The following ST6GAL2 variants were observed in gnomAD, a reference collection of about 807,000 sequenced individuals.
The protein encoded by ST6GAL2 is beta-galactoside alpha-2,6-sialyltransferase 2.
ST6GAL2 carries 24 observed loss-of-function variants against 37.5 expected under a neutral mutation model. The observed-to-expected ratio is 0.64, with a 90% CI of 0.46 to 0.90. The LOEUF (loss-of-function observed/expected upper bound fraction) is 0.90, where lower values mean the gene tolerates loss of function less well. Among genes scored for constraint, ST6GAL2 ranks in the 40% least tolerant of loss-of-function variants. The pLI is 0.00. For missense variants in ST6GAL2, 715 were observed against 712.7 expected, an observed-to-expected ratio of 1.00 and a Z score of -0.04; for synonymous variants, 306 against 295.1, an observed-to-expected ratio of 1.04 and a Z score of -0.38.
Position 106,806,412 on chromosome 2 carries a change from ACC to A in ST6GAL2, c.*264_*265del. 1 of 424,520 alleles carries A rather than the reference ACC, an allele frequency of 2.4e-6. No individual in the cohort carries two copies. Among genetic ancestry groups the A allele is most frequent in the Non-Finnish European group, 4.2e-6 (1 of 236,556 alleles). 26.3% of individuals were successfully genotyped at this position (424,520 alleles called of 1,614,324 possible). On this transcript the variant is annotated 3_prime_UTR_variant, in exon 6 of 6. Coordinates refer to ENST00000409382, the MANE Select transcript of ST6GAL2 (RefSeq NM_001142351.2). ...TTGTTAACATTTCTGGAGGTATCATACCCATGGTCATACATGTGTTTTCTTTC... is the reference window on the plus strand; with the variant it reads ...TTGTTAACATTTCTGGAGGTATCATACATGGTCATACATGTGTTTTCTTTC...
rs1482586022 is a variant in ST6GAL2, at chr2:106,803,723, A to G, written c.*2955T>C. On this transcript the variant is annotated 3_prime_UTR_variant, in exon 6 of 6. Transcript: ENST00000409382. Reference sequence around the variant, plus strand: ...CCTGAGAGTGAAAAAAGGAATCCTTAACAGCTTCAGCTTGCACCAAGAGGA... The same window carrying G: ...CCTGAGAGTGAAAAAAGGAATCCTTGACAGCTTCAGCTTGCACCAAGAGGA... 1 of 152,188 alleles carries G rather than the reference A, an allele frequency of 6.6e-6. No homozygotes were observed. Among genetic ancestry groups the G allele is most frequent in the Non-Finnish European group, 1.5e-5 (1 of 68,048 alleles). The allele number at this position is 152,188 out of a possible 1,614,324, so 9.4% of individuals were successfully genotyped here. A position where few individuals can be genotyped will look rare whatever the true frequency, so the allele number is the denominator to read the frequency against.
chr2:106,877,245 T>C (rs759343981), intron 1 of ST6GAL2, among the ~76,000 whole-genome samples: 3 of 152,208 alleles, frequency 2.0e-5, no homozygotes, highest in Non-Finnish European at 4.4e-5. Context: ...AGACCTTCGA[T>C]CCCAGAAGGT....
In ST6GAL2 at chr2:106,843,207, G is replaced by C. The variant is rs898721265; in HGVS notation, c.771C>G (p.Ser257Arg). The C allele has an allele frequency of 3.2e-6, 5 of 1,555,428 alleles. No individual in the cohort carries two copies. The highest frequency in any genetic ancestry group is 4.3e-6 in the Non-Finnish European group (5 of 1,150,296). ...CGTCCAGCGTCCGCACGCGCGCGCG[G>C]CTCCGCAGCTGGCACAGCAGCTGTG... Reference protein sequence around the residue: ...SRAQLLCQLRSRARVRTLDGT... With the variant: ...SRAQLLCQLRRRARVRTLDGT... Residue 257 changes from serine to arginine, a missense_variant, in exon 2 of 6, where the codon AGC becomes AGG. Transcript: ENST00000409382.
At chr2:106,885,501 A>T (rs779326894) in intron 1 of ST6GAL2, among the ~76,000 whole-genome samples, 5 of 152,160 alleles carry the variant, frequency 3.3e-5, no homozygotes, top group Non-Finnish European at 7.4e-5. Context: ...GCTCTTTGGA[A>T]GGCAGCACTT....
chr2:106,830,602 T>C (rs766842422), intron 4 of ST6GAL2, among the ~76,000 whole-genome samples: 1 of 152,198 alleles, frequency 6.6e-6, no homozygotes. Context: ...GAAGCAGTCA[T>C]GGACAATAAA....
chr2:106,835,809 T>G (rs1676612175), intron 2 of ST6GAL2, among the ~76,000 whole-genome samples: 1 of 152,260 alleles, frequency 6.6e-6, no homozygotes, highest in African/African-American at 2.4e-5. Context: ...ATCTATTCTT[T>G]GTGTAAATGA....
At chr2:106,879,069 C>T (rs1235364496) in intron 1 of ST6GAL2, among the ~76,000 whole-genome samples, 1 of 152,156 alleles carries the variant, frequency 6.6e-6, no homozygotes, top group East Asian at 1.9e-4. Context: ...TCCATTACCC[C>T]TTAAGAGGCA....
In ST6GAL2 at chr2:106,822,378, A is replaced by C. The variant is rs541011392; in HGVS notation, c.1318+7688T>G. Among the ~76,000 whole-genome samples the C allele has an allele frequency of 3.3e-5, 5 of 152,316 alleles. No homozygotes were observed. In the South Asian group the frequency reaches 1.0e-3, roughly 32 times the overall value. ...ATGCCAACAATGAACAATCTGAAAA[A>C]GAAATCAAGAAGGTAATCCCATTTA... is the stretch of plus-strand genomic sequence containing the variant. On this transcript the variant is annotated intron_variant, in intron 5 of 5. Transcript: ENST00000409382.
intron 2 of ST6GAL2, among the ~76,000 whole-genome samples, chr2:106,838,425 T>C (rs1469115312): frequency 1.3e-5 from 2 of 152,126 alleles, no homozygotes; most frequent in Admixed American, 1.3e-4. Flanking sequence ...CTGCCTGGGA[T>C]TGGACAAAGC....
chr2:106,809,305 C>T (rs1215601666), intron 5 of ST6GAL2, among the ~76,000 whole-genome samples: 3 of 152,214 alleles, frequency 2.0e-5, no homozygotes, highest in Non-Finnish European at 2.9e-5. Context: ...TTTGCTTGCA[C>T]ATGGCAGGGG....
intron 1 of ST6GAL2, among the ~76,000 whole-genome samples, chr2:106,878,028 A>G (rs1426504928): frequency 6.6e-6 from 1 of 152,258 alleles, no homozygotes; most frequent in Non-Finnish European, 1.5e-5. Flanking sequence ...GGATGCACAC[A>G]GTAATTCCCA....
chr2:106,850,003 C>T (rs1677292999), intron 1 of ST6GAL2, among the ~76,000 whole-genome samples: 1 of 152,176 alleles, frequency 6.6e-6, no homozygotes, highest in South Asian at 2.1e-4. Context: ...CTCGGGCACA[C>T]GTTCTCAGGA....
chr2:106,845,060 T>C (rs1052545401), intron 1 of ST6GAL2, among the ~76,000 whole-genome samples: 1 of 152,208 alleles, frequency 6.6e-6, no homozygotes, highest in African/African-American at 2.4e-5. Context: ...AACTTCAAGC[T>C]GAGCACTAAA....
chr2:106,866,620 T>C (rs1558723008), intron 1 of ST6GAL2, among the ~76,000 whole-genome samples: 2 of 152,134 alleles, frequency 1.3e-5, no homozygotes, highest in Admixed American at 6.6e-5. Flanking sequence ...AACACAAAAG[T>C]AAGGCAATTG....
chr2:106,804,405 A>AT lies in ST6GAL2; in HGVS notation c.*2272dup, dbSNP rs1675350149. ...ATAAAAGGAGCTTCAGGGGCATTTA[A>AT]TGGTCTGGAAGATCTAGAAAGATCC... On this transcript the variant is annotated 3_prime_UTR_variant, in exon 6 of 6. Coordinates refer to ENST00000409382, the MANE Select transcript of ST6GAL2 (RefSeq NM_001142351.2). 1 of 152,202 alleles carries AT rather than the reference A, an allele frequency of 6.6e-6. No individual in the cohort carries two copies. The highest frequency in any genetic ancestry group is 2.1e-4 in the South Asian group (1 of 4,826). The allele number at this position is 152,202 out of a possible 1,614,324, so 9.4% of individuals were successfully genotyped here. A position where few individuals can be genotyped will look rare whatever the true frequency, so the allele number is the denominator to read the frequency against.
intron 5 of ST6GAL2, among the ~76,000 whole-genome samples, chr2:106,827,291 G>C (rs892250336): frequency 2.0e-5 from 3 of 152,286 alleles, no homozygotes; most frequent in Middle Eastern, 3.4e-3. Context: ...TGTTGGATAA[G>C]TTATAAAACA....
intron 2 of ST6GAL2, among the ~76,000 whole-genome samples, chr2:106,839,908 A>T (rs1264915893): frequency 4.6e-5 from 7 of 152,214 alleles, no homozygotes; most frequent in Non-Finnish European, 8.8e-5. Flanking sequence ...TTTTTCAATA[A>T]CACATTCACA....
At chr2:106,829,844 A>T (rs1196095507) in intron 5 of ST6GAL2, among the ~76,000 whole-genome samples, 3 of 152,148 alleles carry the variant, frequency 2.0e-5, no homozygotes, top group Non-Finnish European at 4.4e-5. Flanking sequence ...GCAAAGGCTC[A>T]TTGAAGCATT....
At chr2:106,864,277 G>A (rs933847504) in intron 1 of ST6GAL2, among the ~76,000 whole-genome samples, 2 of 152,320 alleles carry the variant, frequency 1.3e-5, no homozygotes, top group East Asian at 3.9e-4. Context: ...GCCTATGCAA[G>A]GGTTGTTTTC....
Sources: gnomAD v4.1 joint callset for allele counts (sites outside exome capture counted in the v4.1 genomes callset) on GRCh38, gnomAD v4.1.1 for gene constraint, MANE v1.5 for transcripts, NCBI Gene and HGNC (gene_info 2026-07-23, HGNC 2026-07-21) for gene names.